APPL2: variants seen among roughly 807,000 people sequenced by gnomAD.
The protein encoded by APPL2 is adaptor protein, phosphotyrosine interacting with PH domain and leucine zipper 2, also known as DCC-interacting protein 13-beta.
In APPL2, 84 loss-of-function variants were observed where a neutral mutation model predicts 92.7. The ratio of observed to expected loss-of-function variants is 0.91; its 90% CI spans 0.76 to 1.09. The LOEUF is 1.09. APPL2 is among the 50% of genes least tolerant of loss of function. APPL2 has a pLI of 0.00. For missense variants in APPL2, 736 were observed against 824.5 expected (o/e 0.89, Z 1.31); for synonymous variants, 291 against 291.0 (o/e 1.00, Z 0.00).
At chr12:105,196,210 C>G (rs1887630887) in intron 11 of APPL2, among the ~76,000 whole-genome samples, 2 of 152,040 alleles carry the variant, frequency 1.3e-5, no homozygotes, top group African/African-American at 4.8e-5. Flanking sequence ...GATCTTCTAG[C>G]CCAAATCTGT....
At chr12:105,213,429 G>A (rs1192990752) in intron 4 of APPL2, among the ~76,000 whole-genome samples, 2 of 152,252 alleles carry the variant, frequency 1.3e-5, no homozygotes, top group Non-Finnish European at 2.9e-5. Flanking sequence ...GCTAAGGCAT[G>A]TGAGGACAAG....
intron 17 of APPL2, among the ~76,000 whole-genome samples, chr12:105,183,070 CTTTTTT>C (rs56345779): frequency 1.5e-4 from 13 of 88,402 alleles, no homozygotes; most frequent in African/African-American, 2.3e-4. Context: ...GCAACCCCTG[CTTTTTT>C]TTTTTTTTTT....
rs1018278264 is a variant in APPL2, at chr12:105,177,180, T to C, written c.1671+46A>G. ...GCTGTGTTTAAGGTAGATACAAAGG[T>C]GAATTAAGGAGTAATCACTAACATG... On this transcript the variant is annotated intron_variant, in intron 18 of 20. Coordinates refer to ENST00000258530, the MANE Select transcript of APPL2 (RefSeq NM_018171.5). 9 of 1,607,728 alleles carry C rather than the reference T, an allele frequency of 5.6e-6. No homozygotes were observed. In the Admixed American group the frequency reaches 1.3e-4, roughly 24 times the overall value.
chr12:105,191,772 G>A (rs1236932128), intron 14 of APPL2, among the ~76,000 whole-genome samples: 1 of 152,088 alleles, frequency 6.6e-6, no homozygotes, highest in Non-Finnish European at 1.5e-5. Context: ...CTCTCCTCTC[G>A]GTTTCGGCTG....
At chr12:105,210,852 T>A (rs1243209995) in intron 5 of APPL2, among the ~76,000 whole-genome samples, 4 of 152,186 alleles carry the variant, frequency 2.6e-5, no homozygotes, top group African/African-American at 9.6e-5. Flanking sequence ...CAGCATGACT[T>A]TACAAATGTC....
In APPL2 at chr12:105,195,742, A is replaced by T. The variant is rs1323463756; in HGVS notation, c.1053-115T>A. ...GGAGGAAAAGTGCCATGAAGGCAGC[A>T]TGATGAGAGGGAAAGAAAATGGGGT... is the stretch of plus-strand genomic sequence containing the variant. On this transcript the variant is annotated intron_variant, in intron 11 of 20. Transcript: ENST00000258530. 4 of 1,160,994 alleles carry T rather than the reference A, an allele frequency of 3.4e-6. No homozygotes were observed. In the Admixed American group the frequency reaches 5.3e-5, roughly 15 times the overall value. 71.9% of individuals were successfully genotyped at this position (1,160,994 alleles called of 1,614,324 possible).
chr12:105,184,282 C>T (rs115224406), intron 17 of APPL2, among the ~76,000 whole-genome samples: 14,821 of 152,198 alleles, frequency 0.097, 795 homozygotes, highest in East Asian at 0.23. Context: ...ACTCATTCTC[C>T]GTCCAATTTT....
intron 17 of APPL2, among the ~76,000 whole-genome samples, chr12:105,179,267 G>A (rs915256260): frequency 2.6e-5 from 4 of 152,164 alleles, no homozygotes; most frequent in African/African-American, 9.7e-5. Flanking sequence ...TTAGTTTGCT[G>A]AGAATGATGG....
At chr12:105,205,282 G>A (rs908361894) in intron 8 of APPL2, among the ~76,000 whole-genome samples, 1 of 152,224 alleles carries the variant, frequency 6.6e-6, no homozygotes, top group Non-Finnish European at 1.5e-5. Flanking sequence ...ATAATGCATA[G>A]GGAAAGGGCC....
At chr12:105,207,036 A>G (rs375381414) in intron 8 of APPL2, 25 bp downstream of exon 8, 26 of 1,605,774 alleles carry the variant, frequency 1.6e-5, no homozygotes, top group Non-Finnish European at 2.2e-5. Context: ...CTTAGGTTTC[A>G]GCCCTCAGGG....
intron 2 of APPL2, among the ~76,000 whole-genome samples, chr12:105,218,530 T>A (rs963553108): frequency 1.3e-5 from 2 of 152,138 alleles, no homozygotes. Context: ...GAGTCAGCCA[T>A]GGGGACGAGC....
At position 105,236,064 on chromosome 12, in the gene APPL2, A is replaced by T; in HGVS notation, c.-52T>A. On this transcript the variant is annotated 5_prime_UTR_variant, in exon 1 of 21. Coordinates refer to ENST00000258530, the MANE Select transcript of APPL2 (RefSeq NM_018171.5). ...GGGTTGGAAGGACAGAGGGCAGGAG[A>T]CGCGGCGGCCGAGAGCACTCCCCGG... 8.3e-7 allele frequency: 1 copy of T among 1,205,432 alleles called. No homozygotes were observed. 74.7% of individuals were successfully genotyped at this position (1,205,432 alleles called of 1,614,324 possible). A position where few individuals can be genotyped will look rare whatever the true frequency, so the allele number is the denominator to read the frequency against.
rs370024736 is a variant in APPL2 at position 105,207,970 on chromosome 12, C to T, written c.474+1G>A. 6.2e-7 allele frequency: 1 copy of T among 1,612,034 alleles called. No individual in the cohort carries two copies. Among genetic ancestry groups the T allele is most frequent in the Non-Finnish European group, 8.5e-7 (1 of 1,178,080 alleles). On this transcript the variant is annotated splice_donor_variant, in intron 7 of 20. Coordinates refer to ENST00000258530, the MANE Select transcript of APPL2 (RefSeq NM_018171.5). LOFTEE classifies it high-confidence loss of function. ...AAAAACAACATGTAAAGTATTCTTACCTTCTCATTCTCCTTTTTCTTAGGC... is the reference window on the plus strand; with the variant it reads ...AAAAACAACATGTAAAGTATTCTTATCTTCTCATTCTCCTTTTTCTTAGGC...
At position 105,208,000 on chromosome 12, in the gene APPL2, T is replaced by G; in HGVS notation, c.445A>C (p.Arg149=). The part of the protein sequence containing the change: ...EHDLSMAKYS[R]LPKKKENEKV... ...TCATTCTCCTTTTTCTTAGGCAGCC[T>G]GCTGTATTTTGCCATTGAGAGGTCA... The change falls in exon 7 of 21, where the codon AGG becomes CGG. Residue 149 remains arginine (R), a synonymous_variant. Transcript: ENST00000258530. 1.9e-6 allele frequency: 3 copies of G among 1,614,146 alleles called. No individual in the cohort carries two copies. The highest frequency in any genetic ancestry group is 2.2e-5 in the East Asian group (1 of 44,894).
intron 17 of APPL2, among the ~76,000 whole-genome samples, chr12:105,179,384 C>T (rs1048061550): frequency 3.4e-4 from 52 of 152,154 alleles, no homozygotes; most frequent in Admixed American, 1.3e-4. Context: ...TCCAGTCTAT[C>T]ATTGATGGGC....
At chr12:105,182,608 G>A (rs1249218286) in intron 17 of APPL2, among the ~76,000 whole-genome samples, 1 of 152,216 alleles carries the variant, frequency 6.6e-6, no homozygotes, top group South Asian at 2.1e-4. Flanking sequence ...TGATTGCACT[G>A]TGGTCTGAGA....
At chr12:105,215,227 G>T (rs1174375076) in intron 4 of APPL2, among the ~76,000 whole-genome samples, 1 of 152,160 alleles carries the variant, frequency 6.6e-6, no homozygotes, top group Non-Finnish European at 1.5e-5. Context: ...TGTGGGGGAG[G>T]GGGTAGTCTG....
intron 2 of APPL2, among the ~76,000 whole-genome samples, chr12:105,227,907 T>C (rs1890641607): frequency 6.6e-6 from 1 of 152,208 alleles, no homozygotes; most frequent in Admixed American, 6.5e-5. Flanking sequence ...TGCTATTAAG[T>C]ATTCAATAAA....
At chr12:105,217,591 G>A in intron 3 of APPL2, 75 bp downstream of exon 3, 1 of 1,402,820 alleles carries the variant, frequency 7.1e-7, no homozygotes, top group Non-Finnish European at 1.0e-6. Context: ...AGGTCTCTAA[G>A]GATGCCTCTG....
Sources: gnomAD v4.1 joint callset for allele counts (sites outside exome capture counted in the v4.1 genomes callset) on GRCh38, gnomAD v4.1.1 for gene constraint, MANE v1.5 for transcripts, NCBI Gene and HGNC (gene_info 2026-07-23, HGNC 2026-07-21) for gene names.